C7orf78: variants seen among roughly 807,000 people sequenced by gnomAD.
C7orf78 encodes the protein putative uncharacterized protein C7orf78.
the C7orf78 span, among the ~76,000 whole-genome samples, chr7:12,504,013 TG>T: frequency 6.6e-6 from 1 of 152,184 alleles, no homozygotes; most frequent in African/African-American, 2.4e-5. Context: ...AGAAAGAACT[TG>T]TAATCTTTAT....
the C7orf78 span, among the ~76,000 whole-genome samples, chr7:12,484,706 T>C: frequency 6.6e-6 from 1 of 152,212 alleles, no homozygotes; most frequent in Admixed American, 6.5e-5. Flanking sequence ...TACAGTCTAT[T>C]TCAGGTTGGA....
the C7orf78 span, among the ~76,000 whole-genome samples, chr7:12,526,633 G>A: frequency 2.0e-5 from 3 of 152,010 alleles, no homozygotes; most frequent in East Asian, 3.8e-4. Flanking sequence ...TACAAATATT[G>A]TACACATTTT....
chr7:12,499,228 A>T, the C7orf78 span, among the ~76,000 whole-genome samples: 1 of 151,644 alleles, frequency 6.6e-6, no homozygotes, highest in Non-Finnish European at 1.5e-5. Context: ...AAATTCACAC[A>T]TAACACTATT....
chr7:12,484,550 G>T, the C7orf78 span, among the ~76,000 whole-genome samples: 2 of 151,896 alleles, frequency 1.3e-5, no homozygotes, highest in East Asian at 3.9e-4. Context: ...ACCCTATTTG[G>T]TTATTTTCTT....
chr7:12,518,079 C>T, the C7orf78 span, among the ~76,000 whole-genome samples: 1 of 152,112 alleles, frequency 6.6e-6, no homozygotes, highest in African/African-American at 2.4e-5. Flanking sequence ...GGCCATTTGG[C>T]TTTGATTCTG....
the C7orf78 span, among the ~76,000 whole-genome samples, chr7:12,503,278 A>G: frequency 6.6e-6 from 1 of 151,786 alleles, no homozygotes; most frequent in Admixed American, 6.6e-5. Context: ...GAAAAAAAAT[A>G]TTTATGGGAT....
chr7:12,511,799 TG>T, the C7orf78 span, among the ~76,000 whole-genome samples: 2 of 152,062 alleles, frequency 1.3e-5, 1 homozygote, highest in South Asian at 4.1e-4. Flanking sequence ...TCGCCCAGGC[TG>T]GAGTGCAGTG....
chr7:12,540,549 G>T, the C7orf78 span, among the ~76,000 whole-genome samples: 1 of 152,192 alleles, frequency 6.6e-6, no homozygotes, highest in African/African-American at 2.4e-5. Flanking sequence ...GGAAACTAAA[G>T]TCTTCACTGG....
the C7orf78 span, among the ~76,000 whole-genome samples, chr7:12,508,718 C>T: frequency 6.6e-6 from 1 of 152,204 alleles, no homozygotes; most frequent in African/African-American, 2.4e-5. Flanking sequence ...AGCAAAGCTT[C>T]ACCTGTATTT....
the C7orf78 span, among the ~76,000 whole-genome samples, chr7:12,513,091 T>C: frequency 6.6e-6 from 1 of 151,968 alleles, no homozygotes; most frequent in East Asian, 1.9e-4. Context: ...GGTTCATCGA[T>C]TTTATCTATC....
At chr7:12,493,629 G>A in the C7orf78 span, among the ~76,000 whole-genome samples, 1 of 152,174 alleles carries the variant, frequency 6.6e-6, no homozygotes, top group Non-Finnish European at 1.5e-5. Flanking sequence ...TAAGAACCTG[G>A]CCTCAGGCCA....
chr7:12,519,173 T>C, the C7orf78 span, among the ~76,000 whole-genome samples: 92,317 of 151,906 alleles, frequency 0.61, 29,443 homozygotes, highest in African/African-American at 0.81. Context: ...CCCAAACATG[T>C]AGCTCTCAGA....
the C7orf78 span, chr7:12,523,503 A>C: frequency 2.5e-6 from 1 of 396,624 alleles, no homozygotes; most frequent in Non-Finnish European, 4.4e-6. Flanking sequence ...TCATTTCTTA[A>C]TGAGAAAAAC....
At chr7:12,540,250 C>T in the C7orf78 span, among the ~76,000 whole-genome samples, 4 of 152,184 alleles carry the variant, frequency 2.6e-5, no homozygotes, top group Non-Finnish European at 4.4e-5. Context: ...TATAGCCCTT[C>T]TCTAAAGGAG....
At chr7:12,497,222 C>G in the C7orf78 span, among the ~76,000 whole-genome samples, 2,798 of 151,964 alleles carry the variant, frequency 0.018, 89 homozygotes, top group African/African-American at 0.063. Context: ...GGGGGAGGAG[C>G]CAAGATGGCC....
the C7orf78 span, chr7:12,506,783 A>G: frequency 2.9e-6 from 1 of 341,434 alleles, no homozygotes; most frequent in Non-Finnish European, 5.6e-6. Flanking sequence ...TAGAACTTAA[A>G]GTATAAAATA....
chr7:12,537,926 C>T, the C7orf78 span, among the ~76,000 whole-genome samples: 1 of 152,032 alleles, frequency 6.6e-6, no homozygotes, highest in Non-Finnish European at 1.5e-5. Flanking sequence ...ATACACATAT[C>T]TGTATATACT....
the C7orf78 span, among the ~76,000 whole-genome samples, chr7:12,531,964 A>T: frequency 6.6e-6 from 1 of 152,128 alleles, no homozygotes; most frequent in South Asian, 2.1e-4. Context: ...CCACAGATTG[A>T]TTCGATTAGA....
the C7orf78 span, among the ~76,000 whole-genome samples, chr7:12,533,934 A>G: frequency 6.6e-6 from 1 of 152,188 alleles, no homozygotes; most frequent in African/African-American, 2.4e-5. Context: ...TGGGAAGCAT[A>G]CTTCAAAAGC....
Sources: allele counts gnomAD v4.1 joint callset (sites outside exome capture counted in the v4.1 genomes callset), GRCh38; gene constraint gnomAD v4.1.1; transcripts MANE v1.5; gene names NCBI Gene and HGNC (gene_info 2026-07-23, HGNC 2026-07-21).